The following DTD1 variants were observed in gnomAD, a reference collection of about 807,000 sequenced individuals.
The protein encoded by DTD1 is D-aminoacyl-tRNA deacylase 1.
Under a neutral mutation model 25.6 loss-of-function variants are expected in DTD1, and 13 were observed. That is an observed-to-expected ratio of 0.51 (90% CI 0.33 to 0.81). DTD1 has a LOEUF of 0.81. DTD1 is among the 30% of genes least tolerant of loss of function. The pLI is 0.02. For missense variants in DTD1, 193 were observed against 266.4 expected (o/e 0.72, Z 1.92); for synonymous variants, 110 against 103.6 (o/e 1.06, Z -0.37).
chr20:18,614,967 C>T (rs765040867), intron 3 of DTD1, among the ~76,000 whole-genome samples: 21 of 152,168 alleles, frequency 1.4e-4, no homozygotes, highest in Admixed American at 5.2e-4. Flanking sequence ...TCCTTGGCCT[C>T]CCCACGTTGC....
At chr20:18,665,578 C>A (rs2060928683) in intron 4 of DTD1, among the ~76,000 whole-genome samples, 1 of 152,188 alleles carries the variant, frequency 6.6e-6, no homozygotes, top group Non-Finnish European at 1.5e-5. Flanking sequence ...TCCTGAGTTA[C>A]AACTGACAAG....
chr20:18,737,191 T>G (rs1028080105), intron 4 of DTD1, among the ~76,000 whole-genome samples: 2 of 152,216 alleles, frequency 1.3e-5, no homozygotes, highest in African/African-American at 4.8e-5. Context: ...CCTAACATCC[T>G]TGTCTTCAGT....
intron 5 of DTD1, among the ~76,000 whole-genome samples, chr20:18,757,458 TTTA>T (rs2061343734): frequency 6.6e-6 from 1 of 152,190 alleles, no homozygotes; most frequent in African/African-American, 2.4e-5. Flanking sequence ...CAATACCTAA[TTTA>T]TTGAGCGTTT....
intron 4 of DTD1, among the ~76,000 whole-genome samples, chr20:18,642,001 A>G (rs575237889): frequency 2.0e-5 from 3 of 152,176 alleles, no homozygotes; most frequent in Admixed American, 2.0e-4. Flanking sequence ...TTTAGCTTTT[A>G]CATTTAGATA....
intron 4 of DTD1, among the ~76,000 whole-genome samples, chr20:18,740,066 A>T (rs934802238): frequency 3.9e-5 from 6 of 152,134 alleles, no homozygotes; most frequent in African/African-American, 2.4e-5. Flanking sequence ...ATGTTTCTGC[A>T]TCTGTGGTGT....
chr20:18,667,253 T>G (rs2060934871), intron 4 of DTD1, among the ~76,000 whole-genome samples: 1 of 152,168 alleles, frequency 6.6e-6, no homozygotes, highest in African/African-American at 2.4e-5. Context: ...ACGATTACCT[T>G]GAGTGTTTTG....
intron 3 of DTD1, among the ~76,000 whole-genome samples, chr20:18,610,610 T>TA (rs1209554422): frequency 1.3e-5 from 2 of 152,164 alleles, no homozygotes; most frequent in East Asian, 3.9e-4. Flanking sequence ...GACTTGGGCT[T>TA]AAAAAACCAG....
intron 4 of DTD1, among the ~76,000 whole-genome samples, chr20:18,661,412 C>T (rs1480791708): frequency 7.1e-6 from 1 of 140,368 alleles, no homozygotes; most frequent in African/African-American, 2.7e-5. Flanking sequence ...TGCTCTGTCG[C>T]CCAGGCTAGA....
intron 5 of DTD1, among the ~76,000 whole-genome samples, chr20:18,751,914 G>A (rs909207110): frequency 6.6e-5 from 10 of 151,594 alleles, no homozygotes; most frequent in Non-Finnish European, 1.2e-4. Context: ...AGCCCTAGGA[G>A]CCTCACAGCC....
At chr20:18,654,319 T>C (rs1332760983) in intron 4 of DTD1, among the ~76,000 whole-genome samples, 1 of 152,234 alleles carries the variant, frequency 6.6e-6, no homozygotes, top group East Asian at 1.9e-4. Flanking sequence ...CCATGTGAGA[T>C]GTGCCTTTGT....
chr20:18,628,068 T>C, intron 3 of DTD1, 59 bp from the exon 4 acceptor site: 1 of 1,415,052 alleles, frequency 7.1e-7, no homozygotes, highest in African/African-American at 1.4e-5. Flanking sequence ...TACAGTGTGC[T>C]TTTGGATGGA....
chr20:18,612,432 A>G (rs2060691191), intron 3 of DTD1, among the ~76,000 whole-genome samples: 1 of 152,048 alleles, frequency 6.6e-6, no homozygotes, highest in African/African-American at 2.4e-5. Flanking sequence ...ACACTCTTTC[A>G]TTCTTTATCT....
At chr20:18,651,674 G>C (rs1342599674) in intron 4 of DTD1, among the ~76,000 whole-genome samples, 8 of 152,152 alleles carry the variant, frequency 5.3e-5, no homozygotes, top group Non-Finnish European at 1.0e-4. Context: ...TCCCCAAAAC[G>C]GTTCAGTGAA....
chr20:18,685,846 G>T (rs1316437634), intron 4 of DTD1, among the ~76,000 whole-genome samples: 1 of 152,208 alleles, frequency 6.6e-6, no homozygotes, highest in African/African-American at 2.4e-5. Context: ...AGAAAGCCAG[G>T]CAGATAAGTT....
At chr20:18,699,630 CA>C (rs1200605407) in intron 4 of DTD1, among the ~76,000 whole-genome samples, 1 of 152,108 alleles carries the variant, frequency 6.6e-6, no homozygotes. Context: ...GGAAGTACCT[CA>C]GTTTGGAAGC....
At chr20:18,732,602 G>A (rs549544065) in intron 4 of DTD1, among the ~76,000 whole-genome samples, 12 of 152,300 alleles carry the variant, frequency 7.9e-5, no homozygotes, top group African/African-American at 2.9e-4. Context: ...CAGGATATAG[G>A]TGTGGTGAAG....
chr20:18,704,163 G>A (rs2061116595), intron 4 of DTD1, among the ~76,000 whole-genome samples: 1 of 152,080 alleles, frequency 6.6e-6, no homozygotes, highest in Non-Finnish European at 1.5e-5. Context: ...ACCACGCCTG[G>A]CTAATTTTTT....
At chr20:18,737,028 T>C (rs938155602) in intron 4 of DTD1, among the ~76,000 whole-genome samples, 4 of 152,144 alleles carry the variant, frequency 2.6e-5, no homozygotes, top group South Asian at 4.1e-4. Context: ...GTCTGAAGTC[T>C]CTGATGATGA....
At chr20:18,744,377 TC>T in intron 5 of DTD1, 106 bp downstream of exon 5, 1 of 1,214,282 alleles carries the variant, frequency 8.2e-7, no homozygotes, top group Non-Finnish European at 1.1e-6. Flanking sequence ...ACAGCGTTCA[TC>T]CATAGCTTCC....
Sources: allele counts gnomAD v4.1 joint callset (sites outside exome capture counted in the v4.1 genomes callset), GRCh38; gene constraint gnomAD v4.1.1; transcripts MANE v1.5; gene names NCBI Gene and HGNC (gene_info 2026-07-23, HGNC 2026-07-21).